The following ARHGEF11 variants were observed in gnomAD, a reference collection of about 807,000 sequenced individuals.
ARHGEF11 encodes Rho guanine exchange factor (GEF) 11.
In ARHGEF11, 55 loss-of-function variants were observed where a neutral mutation model predicts 193.7. The ratio of observed to expected loss-of-function variants is 0.28; its 90% confidence interval spans 0.23 to 0.36. The LOEUF is 0.36. Among genes scored for constraint, ARHGEF11 ranks in the 10% least tolerant of loss-of-function variants. ARHGEF11 has a pLI of 1.00. For synonymous variants in ARHGEF11, 693 were observed against 768.0 expected (o/e 0.90, Z 1.62); for missense variants, 1,723 against 2,005.6 (o/e 0.86, Z 2.69).
intron 25 of ARHGEF11, 78 bp from the exon 26 acceptor site, chr1:156,947,528 G>T: frequency 6.9e-7 from 1 of 1,456,572 alleles, no homozygotes; most frequent in Non-Finnish European, 9.1e-7. Flanking sequence ...CCCTGACCTG[G>T]TTCCCACACC....
rs1454602662 is a variant in ARHGEF11 at position 156,944,122 on chromosome 1, G to C, written c.3068-20C>G. On this transcript the variant is annotated intron_variant, in intron 31 of 40. Coordinates refer to ENST00000368194, the MANE Select transcript of ARHGEF11 (RefSeq NM_198236.3). ...GGAGGTCTGGAGGGGTATGGTCATG[G>C]GAAGGTGTTCCCTGGTGCCTACTCA... is the stretch of plus-strand genomic sequence containing the variant. The C allele has an allele frequency of 1.9e-6, 3 of 1,609,918 alleles. No homozygotes were observed. The East Asian group carries it at 6.7e-5, about 36-fold the overall frequency.
intron 21 of ARHGEF11, 127 bp downstream of exon 21, chr1:156,954,765 G>A: frequency 1.2e-6 from 1 of 842,602 alleles, no homozygotes; most frequent in South Asian, 1.5e-5. Context: ...GAAATGGAGA[G>A]AAGAAAGAAA....
intron 3 of ARHGEF11, among the ~76,000 whole-genome samples, chr1:156,982,931 A>G (rs1664396500): frequency 1.3e-5 from 2 of 152,248 alleles, no homozygotes; most frequent in South Asian, 4.1e-4. Context: ...TTATATCCTT[A>G]TATGATCCAC....
At chr1:157,016,282 C>T (rs747944419) in intron 1 of ARHGEF11, among the ~76,000 whole-genome samples, 13 of 152,098 alleles carry the variant, frequency 8.5e-5, no homozygotes, top group Non-Finnish European at 1.3e-4. Context: ...TGCAGTGGCA[C>T]GATCTTGGCT....
At chr1:156,988,541 C>A (rs1220143542) in intron 1 of ARHGEF11, among the ~76,000 whole-genome samples, 2 of 152,134 alleles carry the variant, frequency 1.3e-5, no homozygotes, top group Non-Finnish European at 2.9e-5. Flanking sequence ...GTTTCCTATG[C>A]CCATATTAAA....
chr1:157,019,187 G>A (rs1248849478), intron 1 of ARHGEF11, among the ~76,000 whole-genome samples: 5 of 152,104 alleles, frequency 3.3e-5, no homozygotes, highest in Admixed American at 6.5e-5. Context: ...GCATTTTACT[G>A]TATGCAAATT....
Position 156,948,251 on chromosome 1 carries a change from C to A in ARHGEF11, c.2106-23G>T. The A allele has an allele frequency of 6.3e-7, 1 of 1,597,346 alleles. No homozygotes were observed. The highest frequency in any genetic ancestry group is 1.1e-5 in the South Asian group (1 of 89,516). On this transcript the variant is annotated intron_variant, in intron 23 of 40. Coordinates refer to ENST00000368194, the MANE Select transcript of ARHGEF11 (RefSeq NM_198236.3). The surrounding 1 kb of genome is among the most constrained non-coding windows in gnomAD (Gnocchi z 4.2). ...GACCTGTGGAGGGAATGTCAACTCT[C>A]AGCAACCCTCTATCCTTGCCGCCAC...
At chr1:157,000,240 G>A (rs1667052613) in intron 1 of ARHGEF11, among the ~76,000 whole-genome samples, 1 of 152,188 alleles carries the variant, frequency 6.6e-6, no homozygotes, top group Non-Finnish European at 1.5e-5. Context: ...TTGGATTATA[G>A]GTATGATCCA....
At chr1:156,959,182 C>T in intron 15 of ARHGEF11, 40 bp from the exon 16 acceptor site, 1 of 1,575,514 alleles carries the variant, frequency 6.3e-7, no homozygotes, top group Non-Finnish European at 8.7e-7. Context: ...GGATGGGGTA[C>T]TGGGGGTGGA....
chr1:156,987,231 T>C (rs974083558), intron 1 of ARHGEF11, among the ~76,000 whole-genome samples: 4 of 152,230 alleles, frequency 2.6e-5, no homozygotes, highest in African/African-American at 9.6e-5. Flanking sequence ...ATGGAAGCAC[T>C]GTGTGTGATG....
rs553599435 is a variant in ARHGEF11 at position 156,950,111 on chromosome 1, A to T, written c.1925+1462T>A. Among the ~76,000 whole-genome samples the T allele has an allele frequency of 2.8e-4, 43 of 152,352 alleles. 1 individual carries two copies. The highest frequency in any genetic ancestry group is 4.6e-4 in the Non-Finnish European group (31 of 68,026). ...AAATATTTGATATATCTACGACATC[A>T]TGTGCTTCCACAGGAATCACATAAT... On this transcript the variant is annotated intron_variant, in intron 22 of 40. Transcript: ENST00000368194.
At chr1:156,944,511 C>A in intron 30 of ARHGEF11, 78 bp from the exon 31 acceptor site, 1 of 1,476,618 alleles carries the variant, frequency 6.8e-7, no homozygotes, top group Non-Finnish European at 9.5e-7. Flanking sequence ...GTGTGCCAGA[C>A]ATTGTGTTAA....
intron 1 of ARHGEF11, among the ~76,000 whole-genome samples, chr1:157,036,573 C>T (rs1016570452): frequency 2.0e-5 from 3 of 152,158 alleles, no homozygotes; most frequent in East Asian, 3.9e-4. Flanking sequence ...CCACCCACCT[C>T]GGCCTCCCAA....
chr1:156,936,355 G>A (rs146713426), intron 40 of ARHGEF11: 8 of 489,660 alleles, frequency 1.6e-5, no homozygotes, highest in Non-Finnish European at 2.4e-5. Flanking sequence ...GTCTTAGGCC[G>A]ACACCATGGT....
At chr1:156,991,223 A>G (rs1191104024) in intron 1 of ARHGEF11, among the ~76,000 whole-genome samples, 1 of 152,236 alleles carries the variant, frequency 6.6e-6, no homozygotes, top group African/African-American at 2.4e-5. Context: ...ATGAAGTTCA[A>G]GATTTTCTTG....
At chr1:156,947,562 G>A in intron 25 of ARHGEF11, 112 bp from the exon 26 acceptor site, 3 of 1,392,920 alleles carry the variant, frequency 2.2e-6, no homozygotes, top group Non-Finnish European at 2.9e-6. Context: ...GGGAACTGAA[G>A]TGCCAGTTTC....
rs778138074 is a variant in ARHGEF11 at position 156,978,207 on chromosome 1, C to T, written c.507G>A (p.Leu169=). The stretch of plus-strand genomic sequence containing the variant: ...AGAAAGCCAGGAGGATTATTACCTG[C>T]AGAGGTTTGGGTCCTGTGATGCGTT... ...PPQRITGPKP[L]QDPEVQKHAT... Residue 169 remains leucine, a synonymous_variant, in exon 6 of 41, where the codon CTG becomes CTA. Transcript: ENST00000368194. 6.2e-7 allele frequency: 1 copy of T among 1,614,142 alleles called. No individual in the cohort carries two copies. The highest frequency in any genetic ancestry group is 8.5e-7 in the Non-Finnish European group (1 of 1,180,020).
intron 1 of ARHGEF11, among the ~76,000 whole-genome samples, chr1:157,012,779 C>T (rs1668698766): frequency 6.6e-6 from 1 of 152,172 alleles, no homozygotes; most frequent in Non-Finnish European, 1.5e-5. Flanking sequence ...TATTGAAAAA[C>T]ATTTAGAACA....
At chr1:157,038,029 CAAAAAAAAAAAAAAA>C (rs145416871) in intron 1 of ARHGEF11, among the ~76,000 whole-genome samples, 1 of 45,502 alleles carries the variant, frequency 2.2e-5, no homozygotes, top group South Asian at 1.3e-3. Flanking sequence ...AAGACTGTCT[CAAAAAAAAAAAAAAA>C]AAAAAAAAAA....
Sources: allele counts gnomAD v4.1 joint callset (sites outside exome capture counted in the v4.1 genomes callset), GRCh38; gene constraint gnomAD v4.1.1; non-coding constraint Gnocchi (gnomAD v3.1); transcripts MANE v1.5; gene names NCBI Gene and HGNC (gene_info 2026-07-23, HGNC 2026-07-21).